The following DYNC1I1 variants were observed in gnomAD, a reference collection of about 807,000 sequenced individuals.
DYNC1I1 encodes the protein cytoplasmic dynein 1 intermediate chain 1.
A neutral mutation model predicts 86.6 loss-of-function variants in DYNC1I1; 43 were observed. That is an observed-to-expected ratio of 0.50 (90% CI 0.39 to 0.64). The LOEUF is 0.64. Among genes scored for constraint, DYNC1I1 ranks in the 30% least tolerant of loss-of-function variants. The probability of loss-of-function intolerance (pLI) is 0.00; values close to 1 mark genes in which losing one functional copy is unlikely to be tolerated. For synonymous variants in DYNC1I1, 262 were observed against 283.7 expected (o/e 0.92, Z 0.77); for missense variants, 604 against 788.8 (o/e 0.77, Z 2.81).
intron 6 of DYNC1I1, among the ~76,000 whole-genome samples, chr7:95,911,583 A>G (rs1791337402): frequency 6.6e-6 from 1 of 152,200 alleles, no homozygotes; most frequent in African/African-American, 2.4e-5. Context: ...CATTTAGGAA[A>G]TAGTTGAAAC....
intron 6 of DYNC1I1, among the ~76,000 whole-genome samples, chr7:95,893,208 TGAG>T (rs1331666026): frequency 6.6e-6 from 1 of 152,154 alleles, no homozygotes; most frequent in Non-Finnish European, 1.5e-5. Flanking sequence ...GCTGTGATGT[TGAG>T]GAGTCAGACA....
chr7:96,073,271 G>C (rs562280296), intron 14 of DYNC1I1, among the ~76,000 whole-genome samples: 1 of 152,202 alleles, frequency 6.6e-6, no homozygotes, highest in Non-Finnish European at 1.5e-5. Flanking sequence ...GGAGGTTGGA[G>C]AAAGGCTAGA....
chr7:95,871,397 G>T (rs1228485349), intron 6 of DYNC1I1, among the ~76,000 whole-genome samples: 1 of 152,194 alleles, frequency 6.6e-6, no homozygotes, highest in Non-Finnish European at 1.5e-5. Context: ...AATTAGAAAA[G>T]CCTGTGAGAG....
At chr7:95,997,583 T>TTGTGTGTG (rs34117329) in intron 10 of DYNC1I1, among the ~76,000 whole-genome samples, 8,979 of 142,592 alleles carry the variant, frequency 0.063, 325 homozygotes, top group African/African-American at 0.09. Context: ...AAGGGCATTC[T>TTGTGTGTG]TGTGTGTGTG....
rs1363834621 is a variant in DYNC1I1 at position 95,961,601 on chromosome 7, C to T, written c.491-15911C>T. 3.3e-5 allele frequency among the ~76,000 whole-genome samples: 5 copies of T among 152,032 alleles called. No homozygotes were observed. The East Asian group carries it at 5.8e-4, about 18-fold the overall frequency. ...TGGCAGAAGTTGAATACAAATCCTC[C>T]CTGTATAGTAGGAGGTAATATTTTG... On this transcript the variant is annotated intron_variant, in intron 6 of 16. Transcript: ENST00000447467.
intron 15 of DYNC1I1, 41 bp downstream of exon 15, chr7:96,076,238 G>C (rs201915259): frequency 9.8e-5 from 157 of 1,607,624 alleles, no homozygotes; most frequent in Middle Eastern, 6.6e-4. Flanking sequence ...GGGCTGGGAG[G>C]GGGGCGCAGT....
intron 1 of DYNC1I1, among the ~76,000 whole-genome samples, chr7:95,778,302 C>T (rs1228672755): frequency 2.0e-5 from 3 of 152,176 alleles, no homozygotes; most frequent in Admixed American, 6.5e-5. Context: ...GCAAAAGCTG[C>T]GGATCTGGAA....
chr7:96,032,590 A>G, intron 11 of DYNC1I1, 77 bp from the exon 12 acceptor site: 1 of 1,091,442 alleles, frequency 9.2e-7, no homozygotes. Flanking sequence ...CTTGTTTTAG[A>G]GTAATGTGTT....
intron 5 of DYNC1I1, among the ~76,000 whole-genome samples, chr7:95,861,160 C>G (rs1789867299): frequency 6.6e-6 from 1 of 152,118 alleles, no homozygotes; most frequent in Non-Finnish European, 1.5e-5. Flanking sequence ...GCCACCTTAT[C>G]TACCTCTACT....
At chr7:95,837,510 C>G (rs1464717293) in intron 5 of DYNC1I1, 3 of 152,756 alleles carry the variant, frequency 2.0e-5, no homozygotes, top group African/African-American at 7.2e-5. Flanking sequence ...TTCGAGCTTC[C>G]CGGCTGCTTT....
At chr7:96,098,604 G>C (rs1021565055), downstream of DYNC1I1, among the ~76,000 whole-genome samples, 1 of 152,198 alleles carries the variant, frequency 6.6e-6, no homozygotes, top group Non-Finnish European at 1.5e-5. Flanking sequence ...GAGGGAATGT[G>C]TGTGGTTTTT....
At chr7:96,016,098 T>C (rs1260274062) in intron 10 of DYNC1I1, among the ~76,000 whole-genome samples, 4 of 152,106 alleles carry the variant, frequency 2.6e-5, no homozygotes, top group Non-Finnish European at 5.9e-5. Context: ...TGGGCGTAGG[T>C]CTTCACTTCT....
intron 10 of DYNC1I1, among the ~76,000 whole-genome samples, chr7:96,017,610 T>C (rs1794435463): frequency 6.6e-6 from 1 of 152,212 alleles, no homozygotes; most frequent in African/African-American, 2.4e-5. Flanking sequence ...AGTATGCATA[T>C]TATTTCATAT....
At chr7:95,951,174 G>T (rs979812720) in intron 6 of DYNC1I1, among the ~76,000 whole-genome samples, 11 of 152,162 alleles carry the variant, frequency 7.2e-5, no homozygotes, top group Admixed American at 6.5e-4. Flanking sequence ...TTTAAGCAGT[G>T]TATTTGACAT....
chr7:95,813,093 CTTT>C (rs11452827), intron 3 of DYNC1I1, 151 bp from the exon 4 acceptor site: 185 of 1,113,050 alleles, frequency 1.7e-4, no homozygotes, highest in South Asian at 2.6e-4. Flanking sequence ...CTTTTCTTTC[CTTT>C]TTTTTTTTTT....
intron 1 of DYNC1I1, among the ~76,000 whole-genome samples, chr7:95,794,542 C>T (rs1794387898): frequency 6.6e-6 from 1 of 152,098 alleles, no homozygotes; most frequent in South Asian, 2.1e-4. Context: ...GCTTTTGAGT[C>T]CTTTAAGATT....
intron 6 of DYNC1I1, among the ~76,000 whole-genome samples, chr7:95,956,980 T>G (rs748455347): frequency 6.6e-5 from 10 of 152,234 alleles, no homozygotes; most frequent in Non-Finnish European, 1.2e-4. Flanking sequence ...TTTTGCTTCA[T>G]CTGGTAGTTG....
intron 5 of DYNC1I1, among the ~76,000 whole-genome samples, chr7:95,846,331 A>G (rs1320585137): frequency 1.3e-5 from 2 of 152,118 alleles, no homozygotes; most frequent in Non-Finnish European, 2.9e-5. Context: ...CTAGAAATTT[A>G]CTTGTGTTAT....
chr7:95,773,425 C>A (rs1677827), intron 1 of DYNC1I1, among the ~76,000 whole-genome samples: 2 of 152,172 alleles, frequency 1.3e-5, no homozygotes, highest in Non-Finnish European at 2.9e-5. Flanking sequence ...CGGAATCGCT[C>A]TGGCCTTATA....
Sources: gnomAD v4.1 joint callset for allele counts (sites outside exome capture counted in the v4.1 genomes callset) on GRCh38, gnomAD v4.1.1 for gene constraint, MANE v1.5 for transcripts, NCBI Gene and HGNC (gene_info 2026-07-23, HGNC 2026-07-21) for gene names.